TMEM240: variants seen among roughly 807,000 people sequenced by gnomAD.
TMEM240 encodes transmembrane protein C1orf70.
A neutral mutation model predicts 19.5 loss-of-function variants in TMEM240; 3 were observed. The ratio of observed to expected loss-of-function variants is 0.15; its 90% CI spans 0.07 to 0.40. TMEM240 has a LOEUF of 0.40. TMEM240 is among the 10% of genes least tolerant of loss of function. TMEM240 has a pLI of 1.00. For missense variants in TMEM240, 210 were observed against 253.5 expected (o/e 0.83, Z 1.17); for synonymous variants, 123 against 109.3 (o/e 1.13, Z -0.78).
rs114114317 is a variant in TMEM240 at position 1,535,746 on chromosome 1, G to A, written c.216C>T (p.Asp72=). The A allele has an allele frequency of 0.013, 20,389 of 1,550,318 alleles. 189 individuals are homozygous for A. The highest frequency in any genetic ancestry group is 0.016 in the Non-Finnish European group (18,894 of 1,146,682). Residue 72 remains aspartate (D), a synonymous_variant, in exon 3 of 4, where the codon GAC becomes GAT. Transcript: ENST00000378733. The surrounding 1 kb of genome is among the most constrained non-coding windows in gnomAD (Gnocchi z 8.2). ...IPYDGDQSVV[D]ASENYFVTDS... is the part of the protein sequence containing the mutation. ...CCGTCACAAAGTAGTTCTCGGAGGC[G>A]TCCACCACCGACTGGTCCCCGTCGT...
rs5772044 is a variant in TMEM240, at chr1:1,534,913, G to GCCCCC, written c.*445_*446insGGGGG. On this transcript the variant is annotated 3_prime_UTR_variant, in exon 4 of 4. Transcript: ENST00000378733. ...ACCCTGTGGCTGTGCACACGCGGGT[G>GCCCCC]CTCCCCTCGCCCCCCTCCCCTCCGC... 6.7e-6 allele frequency among the ~76,000 whole-genome samples: 1 copy of GCCCCC among 149,280 alleles called. No individual in the cohort carries two copies. Among genetic ancestry groups the GCCCCC allele is most frequent in the African/African-American group, 2.5e-5 (1 of 39,276 alleles).
chr1:1,535,520 AG>A lies in TMEM240; in HGVS notation c.374-14del. 6.5e-7 allele frequency: 1 copy of A among 1,539,766 alleles called. No individual in the cohort carries two copies. The highest frequency in any genetic ancestry group is 8.8e-7 in the Non-Finnish European group (1 of 1,141,698). On this transcript the variant is annotated splice_polypyrimidine_tract_variant and intron_variant, in intron 3 of 3. Transcript: ENST00000378733. The surrounding 1 kb of genome is among the most constrained non-coding windows in gnomAD (Gnocchi z 8.2). ...GTCCACGAGCCATCTGCGGGGGGACAGGGGCGGTCAGGCGGCTGGGGCCGGC... is the reference window on the plus strand; with the variant it reads ...GTCCACGAGCCATCTGCGGGGGGACAGGGCGGTCAGGCGGCTGGGGCCGGC...
In TMEM240 at chr1:1,535,754, CCGACTGGTCCCCGT is replaced by C; in HGVS notation, c.194_207del (p.Asp65GlyfsTer163). 6.5e-7 allele frequency: 1 copy of C among 1,550,292 alleles called. No individual in the cohort carries two copies. On this transcript the variant is annotated frameshift_variant, in exon 3 of 4. Transcript: ENST00000378733. LOFTEE classifies it high-confidence loss of function. This position sits in a 1 kb window ranked among gnomAD's most constrained non-coding sequence, Gnocchi z 8.2. ...AAGTAGTTCTCGGAGGCGTCCACCA[CCGACTGGTCCCCGT>C]CGTACGGGATCACGTAGTGGATATG... is the stretch of plus-strand genomic sequence containing the variant.
Position 1,536,980 on chromosome 1 carries a change from C to T in TMEM240, c.165-1183G>A, listed in dbSNP as rs1434247375. ...TTTCAGCCGAGACCCAGAGACCACC[C>T]CACCCTCCACACCCCAACCAGAAGT... On this transcript the variant is annotated intron_variant, in intron 2 of 3. Transcript: ENST00000378733. The surrounding 1 kb of genome is among the most constrained non-coding windows in gnomAD (Gnocchi z 5.4). Among the ~76,000 whole-genome samples the T allele has an allele frequency of 1.3e-5, 2 of 152,140 alleles. No individual in the cohort carries two copies. Among genetic ancestry groups the T allele is most frequent in the Non-Finnish European group, 2.9e-5 (2 of 68,006 alleles).
At chr1:1,537,134 C>T (rs937681747) in intron 2 of TMEM240, among the ~76,000 whole-genome samples, 20 of 152,060 alleles carry the variant, frequency 1.3e-4, no homozygotes, top group Admixed American at 1.0e-3. Context: ...GTCCTGGGGC[C>T]CGAGCCCAGG....
Position 1,536,559 on chromosome 1 carries a change from G to A in TMEM240, c.165-762C>T, listed in dbSNP as rs562042107. ...CCATGTCCCTCGGCCTCCCCTCCCC[G>A]GGCTCTTGGGGGAACTGCCCAGGCT... is the stretch of plus-strand genomic sequence containing the variant. On this transcript the variant is annotated intron_variant, in intron 2 of 3. Transcript: ENST00000378733. This position sits in a 1 kb window ranked among gnomAD's most constrained non-coding sequence, Gnocchi z 5.4. Among the ~76,000 whole-genome samples the A allele has an allele frequency of 2.0e-5, 3 of 152,226 alleles. No individual in the cohort carries two copies. Among genetic ancestry groups the A allele is most frequent in the South Asian group, 2.1e-4 (1 of 4,826 alleles).
At chr1:1,540,144 G>A in intron 1 of TMEM240, 146 bp downstream of exon 1, 1 of 305,758 alleles carries the variant, frequency 3.3e-6, no homozygotes, top group Admixed American at 5.7e-5. Context: ...GCGCAGGCCG[G>A]GGAGGGGAGC....
intron 2 of TMEM240, chr1:1,539,061 TGAG>T (rs1204641637): frequency 6.5e-6 from 1 of 154,398 alleles, no homozygotes; most frequent in African/African-American, 2.4e-5. Flanking sequence ...GCGCGTCTCA[TGAG>T]AAGATGTTTA....
Position 1,535,230 on chromosome 1 carries a change from G to A in TMEM240, c.*129C>T, listed in dbSNP as rs554814518. 89 of 931,906 alleles carry A rather than the reference G, an allele frequency of 9.6e-5. No homozygotes were observed. The highest frequency in any genetic ancestry group is 3.1e-4 in the South Asian group (17 of 55,594). 57.7% of individuals were successfully genotyped at this position (931,906 alleles called of 1,614,324 possible). ...CACCTTCCACTGGACTCTCCCGGCC[G>A]GCCACAGCCCCGGACAACCTGGGCC... On this transcript the variant is annotated 3_prime_UTR_variant, in exon 4 of 4. Coordinates refer to ENST00000378733, the MANE Select transcript of TMEM240 (RefSeq NM_001114748.2). This position sits in a 1 kb window ranked among gnomAD's most constrained non-coding sequence, Gnocchi z 8.2.
intron 1 of TMEM240, 45 bp downstream of exon 1, chr1:1,540,245 G>T: frequency 7.9e-7 from 1 of 1,268,630 alleles, no homozygotes; most frequent in Non-Finnish European, 1.0e-6. Context: ...GGCGGCGCGC[G>T]CGGGCGGGGA....
Position 1,539,782 on chromosome 1 carries a change from C to G in TMEM240, c.66G>C (p.Ala22=). 6.5e-7 allele frequency: 1 copy of G among 1,546,782 alleles called. No individual in the cohort carries two copies. ...GCAGCGCGTTCATGTCCATCAAGCA[C>G]GCGATGGCCTGGAAGAGCTCATGAC... ...ILGASVVMAI[A]CLMDMNALLD... The change falls in exon 2 of 4, where the codon GCG becomes GCC. Residue 22 remains alanine, a synonymous_variant. Transcript: ENST00000378733.
intron 2 of TMEM240, among the ~76,000 whole-genome samples, chr1:1,538,711 A>G (rs868868711): frequency 2.0e-5 from 3 of 152,204 alleles, no homozygotes; most frequent in Non-Finnish European, 4.4e-5. Context: ...CGTGTTCTTC[A>G]TCGACACGCC....
In TMEM240 at chr1:1,540,511, G is replaced by GGT. The variant is rs1553129709; in HGVS notation, c.-166_-165insAC. ...CACCGGCCGGGGGGAGGAGGCGCGG[G>GGT]GGGGGGGGCGCCGGGGAGGGACGCG... On this transcript the variant is annotated 5_prime_UTR_variant, in exon 1 of 4. Coordinates refer to ENST00000378733, the MANE Select transcript of TMEM240 (RefSeq NM_001114748.2). 1 of 176,386 alleles carries GGT rather than the reference G, an allele frequency of 5.7e-6. No individual in the cohort carries two copies. Among genetic ancestry groups the GGT allele is most frequent in the African/African-American group, 2.4e-5 (1 of 41,626 alleles). 10.9% of individuals were successfully genotyped at this position (176,386 alleles called of 1,614,324 possible).
chr1:1,534,961 G>T lies in TMEM240; in HGVS notation c.*398C>A, dbSNP rs1382599989. Among the ~76,000 whole-genome samples the T allele has an allele frequency of 7.0e-6, 1 of 143,120 alleles. No individual in the cohort carries two copies. The highest frequency in any genetic ancestry group is 1.5e-5 in the Non-Finnish European group (1 of 67,388). 93.9% of individuals were successfully genotyped at this position (143,120 alleles called of 152,430 possible). ...CGCCCAAGCTGGCTGGGGCCAGACA[G>T]ACGGTGGACGCAGCGCACGGGAAAC... On this transcript the variant is annotated 3_prime_UTR_variant, in exon 4 of 4. Coordinates refer to ENST00000378733, the MANE Select transcript of TMEM240 (RefSeq NM_001114748.2).
rs528204043 is a variant in TMEM240, at chr1:1,538,574, G to A, written c.164+1110C>T. Among the ~76,000 whole-genome samples, 130 of 152,322 alleles carry A rather than the reference G, an allele frequency of 8.5e-4. 1 individual carries two copies. Among genetic ancestry groups the A allele is most frequent in the African/African-American group, 3.0e-3 (124 of 41,566 alleles). On this transcript the variant is annotated intron_variant, in intron 2 of 3. Coordinates refer to ENST00000378733, the MANE Select transcript of TMEM240 (RefSeq NM_001114748.2). ...GACCTCAGGCCTTTGCTCAGCAGTC[G>A]GACCTGCCAGCCAGGGACACGGGGC...
At position 1,536,782 on chromosome 1, in the gene TMEM240, C is replaced by T. The variant is rs1642230234; in HGVS notation, c.165-985G>A. Reference sequence around the variant, plus strand: ...AGTGGAGCCCGCGGGCCCCACGCGCCTTGCGGTCCACACTCCTGGCTGCCT... The same window carrying T: ...AGTGGAGCCCGCGGGCCCCACGCGCTTTGCGGTCCACACTCCTGGCTGCCT... On this transcript the variant is annotated intron_variant, in intron 2 of 3. Transcript: ENST00000378733. This position sits in a 1 kb window ranked among gnomAD's most constrained non-coding sequence, Gnocchi z 5.4. Among the ~76,000 whole-genome samples the T allele has an allele frequency of 1.3e-5, 2 of 152,152 alleles. No individual in the cohort carries two copies. Among genetic ancestry groups the T allele is most frequent in the African/African-American group, 2.4e-5 (1 of 41,434 alleles).
chr1:1,536,493 C>T lies in TMEM240; in HGVS notation c.165-696G>A, dbSNP rs928073994. ...CCGCTCCTCTCAGGATGGACGGCGT[C>T]CAGGCTCCAGGGCCCTTTCGTCCTC... On this transcript the variant is annotated intron_variant, in intron 2 of 3. Coordinates refer to ENST00000378733, the MANE Select transcript of TMEM240 (RefSeq NM_001114748.2). The surrounding 1 kb of genome is among the most constrained non-coding windows in gnomAD (Gnocchi z 5.4). Among the ~76,000 whole-genome samples, 2 of 152,226 alleles carry T rather than the reference C, an allele frequency of 1.3e-5. No individual in the cohort carries two copies. Among genetic ancestry groups the T allele is most frequent in the African/African-American group, 4.8e-5 (2 of 41,464 alleles).
At position 1,535,144 on chromosome 1, in the gene TMEM240, C is replaced by T. The variant is rs1469032506; in HGVS notation, c.*215G>A. On this transcript the variant is annotated 3_prime_UTR_variant, in exon 4 of 4. Transcript: ENST00000378733. This position sits in a 1 kb window ranked among gnomAD's most constrained non-coding sequence, Gnocchi z 8.2. Reference sequence around the variant, plus strand: ...GTCCTGCCCCCCAACTGCAGGGTCTCCCCTAACCCAACCCCCACCCTAGCC... The same window carrying T: ...GTCCTGCCCCCCAACTGCAGGGTCTTCCCTAACCCAACCCCCACCCTAGCC... 12 of 403,422 alleles carry T rather than the reference C, an allele frequency of 3.0e-5. No homozygotes were observed. The highest frequency in any genetic ancestry group is 5.0e-5 in the Non-Finnish European group (11 of 218,348). 25.0% of individuals were successfully genotyped at this position (403,422 alleles called of 1,614,324 possible).
chr1:1,536,350 T>A lies in TMEM240; in HGVS notation c.165-553A>T, dbSNP rs1344033614. 6.6e-6 allele frequency among the ~76,000 whole-genome samples: 1 copy of A among 152,146 alleles called. No individual in the cohort carries two copies. Among genetic ancestry groups the A allele is most frequent in the Non-Finnish European group, 1.5e-5 (1 of 68,006 alleles). ...TGCCAGGCCCACTGCCCCTGGTGTT[T>A]CTTCTGCTCCTCTATCCCTGGGAGG... On this transcript the variant is annotated intron_variant, in intron 2 of 3. Coordinates refer to ENST00000378733, the MANE Select transcript of TMEM240 (RefSeq NM_001114748.2). The surrounding 1 kb of genome is among the most constrained non-coding windows in gnomAD (Gnocchi z 5.4).
Sources: allele counts gnomAD v4.1 joint callset (sites outside exome capture counted in the v4.1 genomes callset), GRCh38; gene constraint gnomAD v4.1.1; non-coding constraint Gnocchi (gnomAD v3.1); transcripts MANE v1.5; gene names NCBI Gene and HGNC (gene_info 2026-07-23, HGNC 2026-07-21).